Variants in MRPS18C observed in about 807,000 individuals in gnomAD.
The protein encoded by MRPS18C is mitochondrial ribosomal protein S18C, also known as small ribosomal subunit protein bS18m.
A neutral mutation model predicts 21.0 loss-of-function variants in MRPS18C; 21 were observed. The observed-to-expected ratio is 1.00, with a 90% CI of 0.71 to 1.44. The LOEUF (loss-of-function observed/expected upper bound fraction) is 1.44, where lower values mean the gene tolerates loss of function less well. Among genes scored for constraint, MRPS18C ranks in the 40% most tolerant of loss-of-function variants. The pLI is 0.00. For missense variants in MRPS18C, 152 were observed against 171.5 expected, an observed-to-expected ratio of 0.89 and a Z score of 0.64; for synonymous variants, 65 against 54.3, an observed-to-expected ratio of 1.20 and a Z score of -0.87.
intron 1 of MRPS18C, among the ~76,000 whole-genome samples, chr4:83,456,406 A>C (rs775216819): frequency 6.6e-6 from 1 of 152,106 alleles, no homozygotes; most frequent in Non-Finnish European, 1.5e-5. Context: ...AAAAGCAGAG[A>C]CTTTCCTAAG....
intron 1 of MRPS18C, 142 bp from the exon 2 acceptor site, chr4:83,456,767 G>A (rs555905361): frequency 2.9e-4 from 226 of 772,906 alleles, no homozygotes; most frequent in Non-Finnish European, 3.5e-4. Context: ...AAATATAAAA[G>A]TTTTTAACCA....
intron 1 of MRPS18C, 55 bp downstream of exon 1, chr4:83,456,232 C>CCT: frequency 6.7e-7 from 1 of 1,485,666 alleles, no homozygotes. Context: ...TAACCTTAGT[C>CCT]CTAATGGTTA....
At chr4:83,458,994 A>G (rs565916195) in intron 3 of MRPS18C, 15 of 152,012 alleles carry the variant, frequency 9.9e-5, no homozygotes, top group African/African-American at 3.4e-4. Context: ...AAAAATACAA[A>G]AATTAGCTGA....
intron 3 of MRPS18C, chr4:83,458,747 C>A: frequency 4.4e-6 from 1 of 227,120 alleles, no homozygotes; most frequent in Non-Finnish European, 8.5e-6. Flanking sequence ...TGAAGCTGAT[C>A]TCTTTATCTC....
Position 83,461,810 on chromosome 4 carries a change from A to G in MRPS18C, c.*613A>G, listed in dbSNP as rs1232947151. 2 of 228,796 alleles carry G rather than the reference A, an allele frequency of 8.7e-6. No individual in the cohort carries two copies. Among genetic ancestry groups the G allele is most frequent in the African/African-American group, 4.4e-5 (2 of 45,098 alleles). The allele number at this position is 228,796 out of a possible 1,614,324, so 14.2% of individuals were successfully genotyped here. A position where few individuals can be genotyped will look rare whatever the true frequency, so the allele number is the denominator to read the frequency against. ...CAAAGGACTCTAAACTAGGGGAGAG[A>G]TTACTGTTTGTGTTGTGTTATAGTT... On this transcript the variant is annotated 3_prime_UTR_variant, in exon 6 of 6. Transcript: ENST00000295491.
intron 2 of MRPS18C, chr4:83,457,358 T>C (rs1187314113): frequency 5.8e-6 from 1 of 172,482 alleles, no homozygotes; most frequent in Non-Finnish European, 1.2e-5. Context: ...AAAGAGACTG[T>C]ACAAAGCTTA....
intron 2 of MRPS18C, chr4:83,457,955 TA>T (rs1297916557): frequency 5.1e-6 from 1 of 197,322 alleles, no homozygotes; most frequent in Non-Finnish European, 1.0e-5. Context: ...AAAATAGTGA[TA>T]AAATACTTGA....
Position 83,461,952 on chromosome 4 carries a change from C to T in MRPS18C, c.*755C>T, listed in dbSNP as rs1722134077. 1 of 229,164 alleles carries T rather than the reference C, an allele frequency of 4.4e-6. No individual in the cohort carries two copies. The highest frequency in any genetic ancestry group is 6.3e-5 in the East Asian group (1 of 15,908). The allele number at this position is 229,164 out of a possible 1,614,324, so 14.2% of individuals were successfully genotyped here. Reference sequence around the variant, plus strand: ...CCAGCATTTTATCTGGCAACTCTAGCCATAATGTACTTCTAAAAAAGTATC... The same window carrying T: ...CCAGCATTTTATCTGGCAACTCTAGTCATAATGTACTTCTAAAAAAGTATC... On this transcript the variant is annotated 3_prime_UTR_variant, in exon 6 of 6. Transcript: ENST00000295491.
intron 3 of MRPS18C, 75 bp from the exon 4 acceptor site, chr4:83,459,665 G>T (rs1336969585): frequency 4.4e-6 from 6 of 1,357,452 alleles, no homozygotes; most frequent in Middle Eastern, 3.7e-4. Flanking sequence ...CCTGAAGGTT[G>T]TTTTTTGAAA....
chr4:83,459,405 G>A (rs1010671406), intron 3 of MRPS18C: 1 of 198,394 alleles, frequency 5.0e-6, no homozygotes, highest in Non-Finnish European at 1.0e-5. Flanking sequence ...TTATCAGAGG[G>A]TAATGTGATA....
chr4:83,458,573 TG>T, intron 3 of MRPS18C, 144 bp downstream of exon 3: 1 of 572,778 alleles, frequency 1.7e-6, no homozygotes, highest in Non-Finnish European at 2.9e-6. Context: ...TATAATTCTA[TG>T]TATAAGCTTA....
At chr4:83,460,258 A>T (rs925204276) in intron 4 of MRPS18C, 3 of 152,412 alleles carry the variant, frequency 2.0e-5, no homozygotes, top group African/African-American at 7.3e-5. Flanking sequence ...CCTGGGTTCA[A>T]GTGATTCTCA....
chr4:83,461,250 T>A lies in MRPS18C; in HGVS notation c.*53T>A. 2 of 1,528,940 alleles carry A rather than the reference T, an allele frequency of 1.3e-6. No homozygotes were observed. Among genetic ancestry groups the A allele is most frequent in the Non-Finnish European group, 9.0e-7 (1 of 1,105,826 alleles). The allele number at this position is 1,528,940 out of a possible 1,614,324, so 94.7% of individuals were successfully genotyped here. A position where few individuals can be genotyped will look rare whatever the true frequency, so the allele number is the denominator to read the frequency against. ...TATTTTACAGTAAGTGGTTGTATGA[T>A]GCCAATACTGACTCAAACCAACCTT... is the stretch of plus-strand genomic sequence containing the variant. On this transcript the variant is annotated 3_prime_UTR_variant, in exon 6 of 6. Transcript: ENST00000295491.
In MRPS18C at chr4:83,461,251, G is replaced by A. The variant is rs1236117789; in HGVS notation, c.*54G>A. ...ATTTTACAGTAAGTGGTTGTATGAT[G>A]CCAATACTGACTCAAACCAACCTTT... On this transcript the variant is annotated 3_prime_UTR_variant, in exon 6 of 6. Coordinates refer to ENST00000295491, the MANE Select transcript of MRPS18C (RefSeq NM_016067.4). The A allele has an allele frequency of 2.0e-6, 3 of 1,527,462 alleles. No homozygotes were observed. The highest frequency in any genetic ancestry group is 1.8e-6 in the Non-Finnish European group (2 of 1,104,734). The allele number at this position is 1,527,462 out of a possible 1,614,324, so 94.6% of individuals were successfully genotyped here. A position where few individuals can be genotyped will look rare whatever the true frequency, so the allele number is the denominator to read the frequency against.
intron 2 of MRPS18C, chr4:83,457,248 A>T: frequency 7.6e-6 from 2 of 263,836 alleles, no homozygotes; most frequent in Non-Finnish European, 1.4e-5. Context: ...AGGATATGTG[A>T]TTTGGGAATT....
At chr4:83,456,586 T>C (rs894064189) in intron 1 of MRPS18C, among the ~76,000 whole-genome samples, 6 of 152,200 alleles carry the variant, frequency 3.9e-5, no homozygotes, top group African/African-American at 1.4e-4. Flanking sequence ...TTCTTTTTGG[T>C]ATGACAGTGC....
intron 2 of MRPS18C, chr4:83,457,329 C>G (rs17006844): frequency 2.2e-5 from 4 of 182,188 alleles, no homozygotes; most frequent in African/African-American, 9.6e-5. Flanking sequence ...TTTGGGTGAG[C>G]AGAATTTTAG....
At chr4:83,458,117 T>C (rs1429610973) in intron 2 of MRPS18C, 1 of 410,598 alleles carries the variant, frequency 2.4e-6, no homozygotes, top group Non-Finnish European at 4.3e-6. Flanking sequence ...CAGACATCAT[T>C]TTTGTTCTGC....
Position 83,456,647 on chromosome 4 carries a change from A to G in MRPS18C, c.101-262A>G, listed in dbSNP as rs533773216. ...TTTGCATTAAGAATTTTCTCTAACC[A>G]TGGAATGAAGGGAAAATAAATGTCA... On this transcript the variant is annotated intron_variant, in intron 1 of 5. Transcript: ENST00000295491. 2.0e-5 allele frequency among the ~76,000 whole-genome samples: 3 copies of G among 152,286 alleles called. No homozygotes were observed. In the East Asian group the frequency reaches 5.8e-4, roughly 29 times the overall value.
Sources: allele counts gnomAD v4.1 joint callset (sites outside exome capture counted in the v4.1 genomes callset), GRCh38; gene constraint gnomAD v4.1.1; transcripts MANE v1.5; gene names NCBI Gene and HGNC (gene_info 2026-07-23, HGNC 2026-07-21).